Variants in LMNA observed in about 807,000 individuals in gnomAD.
The protein encoded by LMNA is lamin.
Under a neutral mutation model 70.4 loss-of-function variants are expected in LMNA, and 20 were observed. The observed-to-expected ratio is 0.28, with a 90% CI of 0.20 to 0.41. LMNA has a LOEUF of 0.41. Among genes scored for constraint, LMNA ranks in the 10% least tolerant of loss-of-function variants. The pLI, the probability that LMNA is intolerant of heterozygous loss-of-function variation, is 1.00. For missense variants in LMNA, 652 were observed against 917.2 expected, an observed-to-expected ratio of 0.71 and a Z score of 3.73; for synonymous variants, 339 against 372.8, an observed-to-expected ratio of 0.91 and a Z score of 1.04.
Position 156,137,056 on chromosome 1 carries a change from G to C in LMNA, c.1488+28G>C. ...GAGTGGCAGGGCGCTTGGGACTCTG[G>C]GGAGGCCTTGGGTGGCGATGGGAGC... is the stretch of plus-strand genomic sequence containing the variant. On this transcript the variant is annotated intron_variant, in intron 8 of 11. Transcript: ENST00000368300. This position sits in a 1 kb window ranked among gnomAD's most constrained non-coding sequence, Gnocchi z 4.6. 1 of 1,614,146 alleles carries C rather than the reference G, an allele frequency of 6.2e-7. No homozygotes were observed. Among genetic ancestry groups the C allele is most frequent in the East Asian group, 2.2e-5 (1 of 44,888 alleles).
intron 1 of LMNA, among the ~76,000 whole-genome samples, chr1:156,129,672 C>G (rs1054189054): frequency 2.0e-5 from 3 of 152,164 alleles, no homozygotes; most frequent in Non-Finnish European, 4.4e-5. Flanking sequence ...CTAGAAAGTT[C>G]TTGGGTTCTC....
rs1337375663 is a variant in LMNA, at chr1:156,114,942, C to G, written c.24C>G (p.Arg8=). Residue 8 remains arginine (R), a synonymous_variant, in exon 1 of 12, where the codon CGC becomes CGG. Transcript: ENST00000368300. METPSQR[R]ATRSGAQASS... The stretch of plus-strand genomic sequence containing the variant: ...CCATGGAGACCCCGTCCCAGCGGCG[C>G]GCCACCCGCAGCGGGGCGCAGGCCA... 6.4e-7 allele frequency: 1 copy of G among 1,566,846 alleles called. No individual in the cohort carries two copies. Among genetic ancestry groups the G allele is most frequent in the Non-Finnish European group, 8.7e-7 (1 of 1,155,722 alleles).
At chr1:156,116,079 T>C (rs962913935) in intron 1 of LMNA, among the ~76,000 whole-genome samples, 1 of 152,144 alleles carries the variant, frequency 6.6e-6, no homozygotes, top group Non-Finnish European at 1.5e-5. Flanking sequence ...GCTCAGGAAG[T>C]TGTGTTATGC....
chr1:156,093,243 C>G (rs192285151), intron 3 of LMNA, among the ~76,000 whole-genome samples: 1 of 151,596 alleles, frequency 6.6e-6, no homozygotes, highest in Non-Finnish European at 1.5e-5. Flanking sequence ...CTGCTATTCC[C>G]TGACCCTTCA....
At chr1:156,095,324 A>G (rs1648893662) in intron 3 of LMNA, among the ~76,000 whole-genome samples, 1 of 152,154 alleles carries the variant, frequency 6.6e-6, no homozygotes, top group Admixed American at 6.5e-5. Flanking sequence ...AACCTAGCAT[A>G]TAGGAGGCAT....
intron 1 of LMNA, among the ~76,000 whole-genome samples, chr1:156,120,586 C>T (rs1279149219): frequency 6.6e-6 from 1 of 152,124 alleles, no homozygotes; most frequent in African/African-American, 2.4e-5. Flanking sequence ...AGCCGGTCAA[C>T]ACCTGTAGTC....
intron 3 of LMNA, among the ~76,000 whole-genome samples, chr1:156,099,220 G>C (rs1453059839): frequency 6.6e-6 from 1 of 152,138 alleles, no homozygotes; most frequent in Non-Finnish European, 1.5e-5. Flanking sequence ...TAGCCTTCTA[G>C]GCCTGGATTG....
intron 3 of LMNA, chr1:156,090,958 C>T (rs564172729): frequency 2.0e-5 from 3 of 152,352 alleles, no homozygotes; most frequent in East Asian, 1.9e-4. Flanking sequence ...GGTATGACTT[C>T]GCTGCTCAGC....
intron 3 of LMNA, among the ~76,000 whole-genome samples, chr1:156,108,393 T>C (rs1433246452): frequency 6.6e-6 from 1 of 151,586 alleles, no homozygotes; most frequent in African/African-American, 2.4e-5. Flanking sequence ...CTCCAAAGAG[T>C]CGCCTGTCTC....
intron 1 of LMNA, among the ~76,000 whole-genome samples, chr1:156,127,270 G>A (rs959986494): frequency 6.6e-5 from 10 of 152,156 alleles, no homozygotes; most frequent in Non-Finnish European, 1.3e-4. Context: ...CTTGGGGTGT[G>A]CGTGTGGCTC....
intron 1 of LMNA, among the ~76,000 whole-genome samples, chr1:156,124,144 C>T (rs1023637881): frequency 1.3e-5 from 2 of 152,106 alleles, no homozygotes; most frequent in Non-Finnish European, 2.9e-5. Flanking sequence ...TGCACATGCC[C>T]GCGTGAGGGA....
rs767841624 is a variant in LMNA at position 156,129,825 on chromosome 1, A to G, written c.357-792A>G. 5.2e-6 allele frequency: 4 copies of G among 763,958 alleles called. No individual in the cohort carries two copies. The Admixed American group carries it at 7.1e-5, about 14-fold the overall frequency. The allele number at this position is 763,958 out of a possible 1,614,324, so 47.3% of individuals were successfully genotyped here. A position where few individuals can be genotyped will look rare whatever the true frequency, so the allele number is the denominator to read the frequency against. ...TAAAGCTTTACCCACTTTGAGGAGC[A>G]GGGAGGCTTAAAGCTGGGGCCCAGA... On this transcript the variant is annotated intron_variant, in intron 1 of 11. Transcript: ENST00000368300.
chr1:156,135,885 T>G lies in LMNA; in HGVS notation c.937-16T>G. ...GGGCCCTTGGGAGCTCACCAAACCCTCCCACCCCCCTTCAGCTGGCAGCCA... is the reference window on the plus strand; with the variant it reads ...GGGCCCTTGGGAGCTCACCAAACCCGCCCACCCCCCTTCAGCTGGCAGCCA... On this transcript the variant is annotated splice_polypyrimidine_tract_variant and intron_variant, in intron 5 of 11. Coordinates refer to ENST00000368300, the MANE Select transcript of LMNA (RefSeq NM_170707.4). This position sits in a 1 kb window ranked among gnomAD's most constrained non-coding sequence, Gnocchi z 4.8. 1 of 1,499,872 alleles carries G rather than the reference T, an allele frequency of 6.7e-7. No individual in the cohort carries two copies. The allele number at this position is 1,499,872 out of a possible 1,614,324, so 92.9% of individuals were successfully genotyped here. A position where few individuals can be genotyped will look rare whatever the true frequency, so the allele number is the denominator to read the frequency against.
intron 3 of LMNA, among the ~76,000 whole-genome samples, chr1:156,095,546 G>A (rs1288517645): frequency 1.3e-5 from 2 of 150,352 alleles, no homozygotes; most frequent in Admixed American, 6.6e-5. Flanking sequence ...TAGTAGAGAC[G>A]GGGTTTCACC....
intron 2 of LMNA, 67 bp downstream of exon 2, chr1:156,130,840 G>A (rs1352204554): frequency 2.1e-5 from 31 of 1,477,068 alleles, no homozygotes; most frequent in African/African-American, 5.6e-5. Context: ...CTTCTACCTA[G>A]GCCCTCCCCC....
At chr1:156,114,697 G>A (rs1305961492), upstream of LMNA, 1 of 427,280 alleles carries the variant, frequency 2.3e-6, no homozygotes, top group Non-Finnish European at 4.2e-6. Flanking sequence ...CCTTTGCCCC[G>A]GCGTCGGTGA....
chr1:156,114,225 G>C (rs144548687), upstream of LMNA, among the ~76,000 whole-genome samples: 1 of 152,178 alleles, frequency 6.6e-6, no homozygotes, highest in African/African-American at 2.4e-5. Flanking sequence ...GTGTGGAGGG[G>C]GGTTGGGGTG....
chr1:156,132,495 AAAAT>A (rs951636244), intron 2 of LMNA, among the ~76,000 whole-genome samples: 2 of 152,126 alleles, frequency 1.3e-5, no homozygotes, highest in African/African-American at 4.8e-5. Flanking sequence ...AATAAAAATA[AAAAT>A]AAATAATAAA....
chr1:156,138,821 C>T lies in LMNA; in HGVS notation c.1968+64C>T, dbSNP rs911500699. ...GGTCCCTGGTCATCGAGGGGTAGGA[C>T]GAGGTGGCCTTGCAGGGGGGAGAGC... On this transcript the variant is annotated intron_variant, in intron 11 of 11. Coordinates refer to ENST00000368300, the MANE Select transcript of LMNA (RefSeq NM_170707.4). The surrounding 1 kb of genome is among the most constrained non-coding windows in gnomAD (Gnocchi z 5.5). The T allele has an allele frequency of 1.5e-4, 248 of 1,603,556 alleles. No individual in the cohort carries two copies. The highest frequency in any genetic ancestry group is 2.5e-4 in the East Asian group (11 of 44,758).
Sources: gnomAD v4.1 joint callset for allele counts (sites outside exome capture counted in the v4.1 genomes callset) on GRCh38, gnomAD v4.1.1 for gene constraint, Gnocchi (gnomAD v3.1) non-coding constraint, MANE v1.5 for transcripts, NCBI Gene and HGNC (gene_info 2026-07-23, HGNC 2026-07-21) for gene names.